Variants in ADSL observed in about 807,000 individuals in gnomAD.
ADSL encodes adenylosuccinase.
ADSL carries 44 observed loss-of-function variants against 62.1 expected under a neutral mutation model. The ratio of observed to expected loss-of-function variants is 0.71; its 90% confidence interval spans 0.56 to 0.91. ADSL has a LOEUF of 0.91. ADSL is among the 40% of genes least tolerant of loss of function. The pLI is 0.00. For synonymous variants in ADSL, 198 were observed against 220.5 expected (o/e 0.90, Z 0.90); for missense variants, 531 against 627.4 (o/e 0.85, Z 1.64).
In ADSL at chr22:40,356,325, A is replaced by G. The variant is rs574803946; in HGVS notation, c.482+1998A>G. ...GCCGAGGCAGGTGGATCACGAGGTC[A>G]GGAAATCAAGACCAGCTTGGCCAAC... is the stretch of plus-strand genomic sequence containing the variant. On this transcript the variant is annotated intron_variant, in intron 4 of 12. Coordinates refer to ENST00000623063, the MANE Select transcript of ADSL (RefSeq NM_000026.4). Among the ~76,000 whole-genome samples the G allele has an allele frequency of 2.8e-4, 42 of 152,160 alleles. 1 individual carries two copies. The South Asian group carries it at 8.7e-3, about 32-fold the overall frequency.
Position 40,366,544 on chromosome 22 carries a change from A to T in ADSL, c.*22A>T. The stretch of plus-strand genomic sequence containing the variant: ...GTAGAGTTGGAAGAGAATTAAACGA[A>T]AATCATTGTTAATTGCTGAGGCATG... On this transcript the variant is annotated 3_prime_UTR_variant, in exon 13 of 13. Transcript: ENST00000623063. The T allele has an allele frequency of 6.5e-7, 1 of 1,548,320 alleles. No homozygotes were observed. The highest frequency in any genetic ancestry group is 8.9e-7 in the Non-Finnish European group (1 of 1,120,050).
rs755518176 is a variant in ADSL at position 40,349,949 on chromosome 22, C to G, written c.271C>G (p.His91Asp). Residue 91 changes from histidine (H) to aspartate (D), a missense_variant, in exon 2 of 13, where the codon CAC (histidine) becomes GAC (aspartate). Physicochemically the swap from His to Asp is moderately conservative, Grantham distance 81. Transcript: ENST00000623063. The stretch of plus-strand genomic sequence containing the variant: ...ACGTTTACGACATGATGTGATGGCT[C>G]ACGTGCACACATTTGGCCACTGCTG... ...EKRLRHDVMA[H>D]VHTFGHCCPK... 1 of 1,614,006 alleles carries G rather than the reference C, an allele frequency of 6.2e-7. No homozygotes were observed. The highest frequency in any genetic ancestry group is 1.3e-5 in the African/African-American group (1 of 74,892).
At position 40,361,524 on chromosome 22, in the gene ADSL, G is replaced by T; in HGVS notation, c.899G>T (p.Arg300Leu). Reference protein sequence around the residue: ...SAMPYKRNPMRSERCCSLARH... With the variant: ...SAMPYKRNPMLSERCCSLARH... Reference sequence around the variant, plus strand: ...ATGCCATATAAGCGGAATCCCATGCGTTCAGAACGTTGCTGCAGTCTTGCC... The same window carrying T: ...ATGCCATATAAGCGGAATCCCATGCTTTCAGAACGTTGCTGCAGTCTTGCC... The change falls in exon 9 of 13, where the codon CGT becomes CTT. Residue 300 changes from arginine to leucine, a missense_variant. Physicochemically the swap from Arg to Leu is moderately radical, Grantham distance 102. Coordinates refer to ENST00000623063, the MANE Select transcript of ADSL (RefSeq NM_000026.4). 1 of 1,614,182 alleles carries T rather than the reference G, an allele frequency of 6.2e-7. No homozygotes were observed. Among genetic ancestry groups the T allele is most frequent in the Non-Finnish European group, 8.5e-7 (1 of 1,180,048 alleles).
intron 12 of ADSL, among the ~76,000 whole-genome samples, chr22:40,366,030 C>T (rs574106153): frequency 6.6e-6 from 1 of 151,996 alleles, no homozygotes; most frequent in South Asian, 2.1e-4. Flanking sequence ...GAGGCTACTG[C>T]AACGGGCCAA....
chr22:40,371,231 C>A (rs1019036416), downstream of ADSL, among the ~76,000 whole-genome samples: 1 of 152,226 alleles, frequency 6.6e-6, no homozygotes, highest in Non-Finnish European at 1.5e-5. Flanking sequence ...CAGAATCATC[C>A]GGTGTGGTTA....
At chr22:40,349,610 T>C (rs2044269452) in intron 1 of ADSL, among the ~76,000 whole-genome samples, 1 of 152,088 alleles carries the variant, frequency 6.6e-6, no homozygotes, top group South Asian at 2.1e-4. Context: ...AGCTTTGTTA[T>C]AGTATACTTT....
chr22:40,355,339 C>T (rs552170478), intron 4 of ADSL, among the ~76,000 whole-genome samples: 74 of 152,186 alleles, frequency 4.9e-4, no homozygotes, highest in African/African-American at 1.7e-3. Context: ...GATAGGGTTT[C>T]GCCATGTTAG....
chr22:40,348,254 T>A (rs1364804224), intron 1 of ADSL: 1 of 396,258 alleles, frequency 2.5e-6, no homozygotes, highest in Non-Finnish European at 4.4e-6. Context: ...CTCTGCTGCT[T>A]TGCTTTGGAA....
chr22:40,353,290 T>C (rs955066739), intron 3 of ADSL, 173 bp downstream of exon 3: 10 of 708,850 alleles, frequency 1.4e-5, no homozygotes, highest in Admixed American at 1.4e-4. Flanking sequence ...TTCTCCTTTC[T>C]TCTTCTCTTC....
At chr22:40,384,086 A>C (rs973496787) in intron 2 of ADSL, among the ~76,000 whole-genome samples, 4 of 152,124 alleles carry the variant, frequency 2.6e-5, no homozygotes, top group African/African-American at 9.7e-5. Flanking sequence ...TTGTCTCTAA[A>C]AATAAAAATT....
At chr22:40,362,438 T>C (rs1314642818) in intron 9 of ADSL, among the ~76,000 whole-genome samples, 1 of 152,214 alleles carries the variant, frequency 6.6e-6, no homozygotes, top group Non-Finnish European at 1.5e-5. Flanking sequence ...TAAAAGACCC[T>C]AGCAACAGTT....
At chr22:40,352,992 C>T (rs1266058398) in intron 2 of ADSL, 81 bp from the exon 3 acceptor site, 2 of 1,275,906 alleles carry the variant, frequency 1.6e-6, no homozygotes, top group African/African-American at 2.9e-5. Context: ...GCAACCCAGC[C>T]TTTCTGGCCA....
chr22:40,363,612 T>A (rs561298895), intron 10 of ADSL, among the ~76,000 whole-genome samples: 2 of 152,072 alleles, frequency 1.3e-5, no homozygotes, highest in African/African-American at 4.8e-5. Flanking sequence ...GGCGGGTGCC[T>A]GTAATCCGAG....
chr22:40,385,036 A>G (rs1601833130), intron 2 of ADSL, among the ~76,000 whole-genome samples: 1 of 152,198 alleles, frequency 6.6e-6, no homozygotes, highest in Non-Finnish European at 1.5e-5. Flanking sequence ...GGCAGTAAAG[A>G]AGCAGTTAAA....
rs2146658733 is a variant in ADSL, at chr22:40,360,433, C to T, written c.733C>T (p.Arg245Ter). ...CATCATCACAGGGCAGACATATACA[C>T]GAAAAGTGGATATTGAAGTACTGTC... ...AFIITGQTYT[R>*]KVDIEVLSVL... The change falls in exon 7 of 13, where the codon CGA (arginine) becomes TGA (stop). Residue 245 changes from arginine to a stop codon, truncating the protein, a stop_gained. Coordinates refer to ENST00000623063, the MANE Select transcript of ADSL (RefSeq NM_000026.4). LOFTEE classifies it high-confidence loss of function. 4 of 1,613,840 alleles carry T rather than the reference C, an allele frequency of 2.5e-6. No homozygotes were observed. The highest frequency in any genetic ancestry group is 2.2e-5 in the East Asian group (1 of 44,874).
intron 6 of ADSL, 21 bp from the exon 7 acceptor site, chr22:40,360,381 C>T (rs939690478): frequency 1.3e-6 from 2 of 1,594,100 alleles, no homozygotes; most frequent in South Asian, 1.1e-5. Flanking sequence ...TAACCTAAGT[C>T]TCTCTTGTAC....
rs1050853517 is a variant in ADSL at position 40,368,291 on chromosome 22, C to G, written c.*1769C>G. Reference sequence around the variant, plus strand: ...TCAGGCAGAAGCTGGAAGACTGCCTCGTTAGGAATGTTGTGAGGGAGAGGA... The same window carrying G: ...TCAGGCAGAAGCTGGAAGACTGCCTGGTTAGGAATGTTGTGAGGGAGAGGA... On this transcript the variant is annotated 3_prime_UTR_variant, in exon 13 of 13. Coordinates refer to ENST00000623063, the MANE Select transcript of ADSL (RefSeq NM_000026.4). 6.6e-6 allele frequency: 1 copy of G among 152,050 alleles called. No homozygotes were observed. Among genetic ancestry groups the G allele is most frequent in the African/African-American group, 2.4e-5 (1 of 41,396 alleles). The allele number at this position is 152,050 out of a possible 1,614,324, so 9.4% of individuals were successfully genotyped here.
rs2045023631 is a variant in ADSL, at chr22:40,366,905, A to G, written c.*383A>G. 4.1e-6 allele frequency: 1 copy of G among 246,214 alleles called. No homozygotes were observed. Among genetic ancestry groups the G allele is most frequent in the Non-Finnish European group, 8.0e-6 (1 of 124,688 alleles). 15.3% of individuals were successfully genotyped at this position (246,214 alleles called of 1,614,324 possible). On this transcript the variant is annotated 3_prime_UTR_variant, in exon 13 of 13. Transcript: ENST00000623063. ...ATAACCTGGACTCAGTGATTGAGTC[A>G]ATGGTCAGATACCTTTTATTTCGGT...
At chr22:40,387,463 CTATATT>C (rs1187708216) in intron 2 of ADSL, 3 of 350,560 alleles carry the variant, frequency 8.6e-6, no homozygotes, top group South Asian at 1.5e-4. Flanking sequence ...ACTGTGTAAA[CTATATT>C]TATGATCTCC....
Sources: gnomAD v4.1 joint callset for allele counts (sites outside exome capture counted in the v4.1 genomes callset) on GRCh38, gnomAD v4.1.1 for gene constraint, MANE v1.5 for transcripts, NCBI Gene and HGNC (gene_info 2026-07-23, HGNC 2026-07-21) for gene names.